The following BTAF1 variants were observed in gnomAD, a reference collection of about 807,000 sequenced individuals.
BTAF1 encodes the protein B-TFIID TATA-box binding protein associated factor 1.
In BTAF1, 38 loss-of-function variants were observed where a neutral mutation model predicts 227.1. The observed-to-expected ratio is 0.17, with a 90% confidence interval of 0.13 to 0.22. The LOEUF (loss-of-function observed/expected upper bound fraction) is 0.22. Ranked by LOEUF, BTAF1 falls within the 10% of genes least tolerant of loss-of-function variation. The pLI is 1.00. For synonymous variants in BTAF1, 742 were observed against 751.9 expected, an observed-to-expected ratio of 0.99 and a Z score of 0.21; for missense variants, 1,598 against 2,204.0, an observed-to-expected ratio of 0.73 and a Z score of 5.51.
At chr10:91,947,147 T>A (rs1290632995) in intron 4 of BTAF1, among the ~76,000 whole-genome samples, 1 of 152,204 alleles carries the variant, frequency 6.6e-6, no homozygotes, top group African/African-American at 2.4e-5. Flanking sequence ...CCAGCCTGAT[T>A]TACACATATT....
chr10:92,015,057 G>C (rs1163202722), intron 32 of BTAF1, among the ~76,000 whole-genome samples: 1 of 152,168 alleles, frequency 6.6e-6, no homozygotes, highest in Non-Finnish European at 1.5e-5. Flanking sequence ...TCAGAGCTGA[G>C]TTTTAAACCT....
chr10:91,999,028 A>C (rs1293300036), intron 25 of BTAF1, among the ~76,000 whole-genome samples: 1 of 149,802 alleles, frequency 6.7e-6, no homozygotes, highest in Non-Finnish European at 1.5e-5. Context: ...GTGCCACTGC[A>C]CTCCAGCCTG....
chr10:92,002,665 A>G (rs767175315), intron 25 of BTAF1, among the ~76,000 whole-genome samples: 1 of 152,136 alleles, frequency 6.6e-6, no homozygotes, highest in African/African-American at 2.4e-5. Flanking sequence ...GTTAATTCCA[A>G]TACCTTTGAA....
chr10:91,970,445 T>A (rs1373071878), intron 14 of BTAF1, among the ~76,000 whole-genome samples: 1 of 152,168 alleles, frequency 6.6e-6, no homozygotes, highest in Non-Finnish European at 1.5e-5. Context: ...ACAATCATGG[T>A]GGAAGGCAAG....
At position 91,989,366 on chromosome 10, in the gene BTAF1, A is replaced by G. The variant is rs1370218738; in HGVS notation, c.2640A>G (p.Pro880=). Residue 880 remains proline (P), a synonymous_variant, in exon 20 of 38, where the codon CCA becomes CCG. Transcript: ENST00000265990. ...AGAAATTAAATCCTATCATAAAACC[A>G]TTAATGGAGACAATTAAAAAAGAAG... ...LPEKLNPIIK[P]LMETIKKEEN... is the part of the protein sequence containing the mutation. 5 of 1,614,214 alleles carry G rather than the reference A, an allele frequency of 3.1e-6. No homozygotes were observed. The Admixed American group carries it at 8.3e-5, about 27-fold the overall frequency.
intron 10 of BTAF1, 22 bp from the exon 11 acceptor site, chr10:91,959,956 T>A: frequency 6.2e-7 from 1 of 1,601,394 alleles, no homozygotes; most frequent in Non-Finnish European, 8.5e-7. Context: ...AAATATGAGT[T>A]TTCTTCCTTT....
At chr10:91,996,260 T>C in intron 23 of BTAF1, 109 bp from the exon 24 acceptor site, 1 of 864,964 alleles carries the variant, frequency 1.2e-6, no homozygotes, top group Admixed American at 2.6e-5. Context: ...TGGAGATATT[T>C]TTAGAGTCAC....
chr10:92,029,196 T>C lies in BTAF1; in HGVS notation c.*263T>C, dbSNP rs531285061. ...GAGCAGAGGAACCAAACCAGGTTTA[T>C]TTGTGCTACCAGGAGGTGTTCTTAA... On this transcript the variant is annotated 3_prime_UTR_variant, in exon 38 of 38. Transcript: ENST00000265990. The C allele has an allele frequency of 8.9e-5, 26 of 292,650 alleles. No homozygotes were observed. In the Admixed American group the frequency reaches 1.1e-3, roughly 13 times the overall value. 18.1% of individuals were successfully genotyped at this position (292,650 alleles called of 1,614,324 possible). A position where few individuals can be genotyped will look rare whatever the true frequency, so the allele number is the denominator to read the frequency against.
At chr10:91,930,234 G>C (rs1208566742) in intron 1 of BTAF1, among the ~76,000 whole-genome samples, 1 of 152,070 alleles carries the variant, frequency 6.6e-6, no homozygotes, top group African/African-American at 2.4e-5. Context: ...ACTATGTTTT[G>C]TCATTAAGAT....
intron 25 of BTAF1, among the ~76,000 whole-genome samples, chr10:92,002,642 C>T (rs1443846432): frequency 6.6e-6 from 1 of 152,232 alleles, no homozygotes; most frequent in Admixed American, 6.5e-5. Context: ...TAGTTTTTCT[C>T]TTAGCAGATA....
At position 91,969,096 on chromosome 10, in the gene BTAF1, C is replaced by T. The variant is rs544584788; in HGVS notation, c.1650+2339C>T. On this transcript the variant is annotated intron_variant, in intron 14 of 37. Transcript: ENST00000265990. ...GTCTTGCTAGGTTACCCAAGCTAGT[C>T]TTTTGCCTATTTTAATATTGGGTTG... Among the ~76,000 whole-genome samples, 290 of 140,396 alleles carry T rather than the reference C, an allele frequency of 2.1e-3. 1 individual carries two copies. In the Middle Eastern group the frequency reaches 0.024, roughly 12 times the overall value. The allele number at this position is 140,396 out of a possible 152,430, so 92.1% of individuals were successfully genotyped here. A position where few individuals can be genotyped will look rare whatever the true frequency, so the allele number is the denominator to read the frequency against.
intron 14 of BTAF1, among the ~76,000 whole-genome samples, chr10:91,970,193 C>T (rs1252224316): frequency 1.3e-5 from 2 of 151,778 alleles, no homozygotes; most frequent in Non-Finnish European, 2.9e-5. Context: ...ATTTCCTATA[C>T]CAGAATGCCA....
In BTAF1 at chr10:91,992,283, G is replaced by A; in HGVS notation, c.3019G>A (p.Gly1007Arg). 2.5e-6 allele frequency: 4 copies of A among 1,609,496 alleles called. No individual in the cohort carries two copies. Among genetic ancestry groups the A allele is most frequent in the Admixed American group, 1.7e-5 (1 of 59,028 alleles). ...QIADLPAGSS[G>R]NILVELDEAQ... ...AGCAGATCTTCCTGCAGGAAGTAGT[G>A]GAAATATTCTTGTTGAACTTGATGA... The change falls in exon 21 of 38, where the codon GGA (glycine) becomes AGA (arginine). Residue 1007 changes from glycine (G) to arginine (R), a missense_variant. By Grantham distance (125) the Gly-to-Arg change is moderately radical. This residue lies in a region of BTAF1 where 425 missense variants were observed against 491.2 expected (regional missense o/e 0.87). Transcript: ENST00000265990.
chr10:91,952,857 T>A (rs773874502), intron 5 of BTAF1, among the ~76,000 whole-genome samples: 1 of 152,104 alleles, frequency 6.6e-6, no homozygotes, highest in South Asian at 2.1e-4. Flanking sequence ...AAAAATGCAA[T>A]AATATGATCA....
Position 91,959,098 on chromosome 10 carries a change from A to G in BTAF1, c.934A>G (p.Ile312Val), listed in dbSNP as rs1214829237. ...TGGTGCAGGCACTGGACTTAGGGAA[A>G]TTCTTAAAGCTCATGGGAAAAGTGG... ...RHGAGTGLREILKAHGKSGGK... is the reference protein window; with the variant it reads ...RHGAGTGLREVLKAHGKSGGK... Residue 312 changes from isoleucine (I) to valine (V), a missense_variant, in exon 9 of 38, where the codon ATT becomes GTT. Coordinates refer to ENST00000265990, the MANE Select transcript of BTAF1 (RefSeq NM_003972.3). The G allele has an allele frequency of 6.2e-7, 1 of 1,614,126 alleles. No individual in the cohort carries two copies. Among genetic ancestry groups the G allele is most frequent in the East Asian group, 2.2e-5 (1 of 44,862 alleles).
At chr10:91,957,438 T>C in intron 8 of BTAF1, 145 bp downstream of exon 8, 1 of 479,750 alleles carries the variant, frequency 2.1e-6, no homozygotes, top group African/African-American at 1.9e-5. Flanking sequence ...TTGACCTAAA[T>C]AGAAAACTAT....
At chr10:91,927,074 C>T (rs1843893974) in intron 1 of BTAF1, among the ~76,000 whole-genome samples, 2 of 151,964 alleles carry the variant, frequency 1.3e-5, no homozygotes, top group South Asian at 4.1e-4. Context: ...TACTGTTTAT[C>T]TTTGGAACAC....
intron 16 of BTAF1, 112 bp downstream of exon 16, chr10:91,981,904 A>T (rs1848088755): frequency 3.6e-6 from 5 of 1,376,598 alleles, no homozygotes; most frequent in Non-Finnish European, 4.8e-6. Flanking sequence ...TAACATAAGT[A>T]AGGAGAAACC....
At chr10:92,006,080 AC>A (rs1849859140) in intron 25 of BTAF1, among the ~76,000 whole-genome samples, 1 of 151,856 alleles carries the variant, frequency 6.6e-6, no homozygotes, top group African/African-American at 2.4e-5. Context: ...TTGCTATGTT[AC>A]CCAGGCTGGT....
Sources: gnomAD v4.1 joint callset for allele counts (sites outside exome capture counted in the v4.1 genomes callset) on GRCh38, gnomAD v4.1.1 for gene constraint, gnomAD v4.1.1 regional missense constraint, MANE v1.5 for transcripts, NCBI Gene and HGNC (gene_info 2026-07-23, HGNC 2026-07-21) for gene names.